KHNYN: variants seen among roughly 807,000 people sequenced by gnomAD.
The protein encoded by KHNYN is protein KHNYN.
In KHNYN, 42 loss-of-function variants were observed where a neutral mutation model predicts 62.7. The ratio of observed to expected loss-of-function variants is 0.67; its 90% CI spans 0.52 to 0.87. The LOEUF (loss-of-function observed/expected upper bound fraction) is 0.87. Ranked by LOEUF, KHNYN falls within the 40% of genes least tolerant of loss-of-function variation. KHNYN has a pLI of 0.00. For missense variants in KHNYN, 829 were observed against 874.1 expected, an observed-to-expected ratio of 0.95 and a Z score of 0.65; for synonymous variants, 347 against 345.6, an observed-to-expected ratio of 1.00 and a Z score of -0.04.
intron 7 of KHNYN, 46 bp from the exon 8 acceptor site, chr14:24,436,990 C>T: frequency 6.4e-7 from 1 of 1,574,410 alleles, no homozygotes; most frequent in Non-Finnish European, 8.6e-7. Context: ...GATCTAATTT[C>T]CCCCCCAGGA....
chr14:24,441,774 T>G lies in KHNYN; in HGVS notation c.*4489T>G, dbSNP rs1369888952. On this transcript the variant is annotated 3_prime_UTR_variant, in exon 8 of 8. Transcript: ENST00000553935. The stretch of plus-strand genomic sequence containing the variant: ...TCTCTAGGCGGCTGCCGATTACCTC[T>G]TTTTGGAAGGTTTCATTCCATCTGC... The G allele has an allele frequency of 1.9e-6, 3 of 1,605,022 alleles. No homozygotes were observed. The African/African-American group carries it at 4.0e-5, about 22-fold the overall frequency.
rs1566505335 is a variant in KHNYN, at chr14:24,440,160, G to GGATC, written c.*2876_*2879dup. 1 of 1,613,720 alleles carries GGATC rather than the reference G, an allele frequency of 6.2e-7. No individual in the cohort carries two copies. Among genetic ancestry groups the GGATC allele is most frequent in the Non-Finnish European group, 8.5e-7 (1 of 1,179,702 alleles). On this transcript the variant is annotated 3_prime_UTR_variant, in exon 8 of 8. Coordinates refer to ENST00000553935, the MANE Select transcript of KHNYN (RefSeq NM_015299.3). ...TAGCCAGTGGCCAGTGTTCGCTGTGGGATCACCTTCTGGCCCTCCAGCAGC... is the reference window on the plus strand; with the variant it reads ...TAGCCAGTGGCCAGTGTTCGCTGTGGGATCGATCACCTTCTGGCCCTCCAGCAGC...
chr14:24,426,553 T>C (rs1353815997), upstream of KHNYN: 1 of 152,266 alleles, frequency 6.6e-6, no homozygotes, highest in African/African-American at 2.4e-5. Flanking sequence ...AATTTTAGTA[T>C]ACAGTTTGAT....
At chr14:24,430,246 G>A in intron 1 of KHNYN, 127 bp downstream of exon 1, 1 of 815,724 alleles carries the variant, frequency 1.2e-6, no homozygotes, top group Non-Finnish European at 1.5e-6. Flanking sequence ...CCTGGGCCCT[G>A]GGCGGTGCTC....
At position 24,431,631 on chromosome 14, in the gene KHNYN, C is replaced by T; in HGVS notation, c.370C>T (p.Leu124=). ...GCCAGGCTCACTGATGATCAGTGGC[C>T]TGACTGAAGCCTTTGTCATGGCTCA... is the stretch of plus-strand genomic sequence containing the variant. ...RAPGSLMISG[L]TEAFVMAQSR... is the part of the protein sequence containing the mutation. Residue 124 remains leucine (L), a synonymous_variant, in exon 3 of 8, where the codon CTG becomes TTG. Transcript: ENST00000553935. The T allele has an allele frequency of 6.2e-7, 1 of 1,613,720 alleles. No homozygotes were observed. The highest frequency in any genetic ancestry group is 8.5e-7 in the Non-Finnish European group (1 of 1,179,744).
At chr14:24,428,302 T>C (rs1460159808), upstream of KHNYN, 1 of 1,613,714 alleles carries the variant, frequency 6.2e-7, no homozygotes, top group Non-Finnish European at 8.5e-7. Context: ...AGTTTGGCGG[T>C]TGTACACCTT....
At chr14:24,429,503 A>G (rs1423893525), upstream of KHNYN, 8 of 459,650 alleles carry the variant, frequency 1.7e-5, no homozygotes, top group South Asian at 1.1e-4. Context: ...CTCTCTTCAA[A>G]ATCCCCCACA....
chr14:24,440,922 G>A lies in KHNYN; in HGVS notation c.*3637G>A. On this transcript the variant is annotated 3_prime_UTR_variant, in exon 8 of 8. Transcript: ENST00000553935. ...ACTCCGCAGTCAGACTGGGCTGGTA[G>A]TAAGCTGCCGGTGGAACACAATCAT... 2 of 1,614,044 alleles carry A rather than the reference G, an allele frequency of 1.2e-6. No individual in the cohort carries two copies.
upstream of KHNYN, among the ~76,000 whole-genome samples, chr14:24,425,204 AAAC>A (rs889169118): frequency 6.6e-6 from 1 of 152,154 alleles, no homozygotes; most frequent in African/African-American, 2.4e-5. Context: ...CTGCCTCAAA[AAAC>A]AACAATAAAA....
At chr14:24,426,975 T>C (rs1030633059), upstream of KHNYN, 6 of 152,036 alleles carry the variant, frequency 3.9e-5, no homozygotes, top group African/African-American at 1.5e-4. Flanking sequence ...TTTCAGGAGG[T>C]GGCCAAGCAA....
chr14:24,441,540 C>T lies in KHNYN; in HGVS notation c.*4255C>T. ...GAAAGTACACAAAGGTTAGGAGAAA[C>T]ATGCATGGATCAAGGGCCTAGGAAG... On this transcript the variant is annotated 3_prime_UTR_variant, in exon 8 of 8. Coordinates refer to ENST00000553935, the MANE Select transcript of KHNYN (RefSeq NM_015299.3). The T allele has an allele frequency of 1.4e-6, 1 of 690,720 alleles. No homozygotes were observed. Among genetic ancestry groups the T allele is most frequent in the Non-Finnish European group, 2.3e-6 (1 of 434,580 alleles). The allele number at this position is 690,720 out of a possible 1,614,324, so 42.8% of individuals were successfully genotyped here. A position where few individuals can be genotyped will look rare whatever the true frequency, so the allele number is the denominator to read the frequency against.
upstream of KHNYN, chr14:24,428,381 A>AGCCAC (rs768979154): frequency 6.2e-7 from 1 of 1,613,868 alleles, no homozygotes; most frequent in East Asian, 2.2e-5. Flanking sequence ...GCCCGGTCAA[A>AGCCAC]GCCACCGCCC....
upstream of KHNYN, chr14:24,428,057 T>C: frequency 6.7e-7 from 1 of 1,502,132 alleles, no homozygotes; most frequent in Non-Finnish European, 9.0e-7. Flanking sequence ...TCCCAGGAGC[T>C]TCCTCTTGGG....
At chr14:24,428,826 C>T (rs1166403215), upstream of KHNYN, 8 of 1,612,746 alleles carry the variant, frequency 5.0e-6, no homozygotes, top group Non-Finnish European at 6.8e-6. Context: ...TGGCTTCGGA[C>T]CGCAGCAAAT....
At position 24,440,552 on chromosome 14, in the gene KHNYN, C is replaced by T. The variant is rs1304560108; in HGVS notation, c.*3267C>T. ...CTCAGCCTTGAAGGAGCCCACTGCTCCTCCTGGTTTCTGTTTCCCCTTCCT... is the reference window on the plus strand; with the variant it reads ...CTCAGCCTTGAAGGAGCCCACTGCTTCTCCTGGTTTCTGTTTCCCCTTCCT... On this transcript the variant is annotated 3_prime_UTR_variant, in exon 8 of 8. Coordinates refer to ENST00000553935, the MANE Select transcript of KHNYN (RefSeq NM_015299.3). 2.0e-6 allele frequency: 3 copies of T among 1,535,500 alleles called. No homozygotes were observed. The highest frequency in any genetic ancestry group is 2.7e-6 in the Non-Finnish European group (3 of 1,132,006).
chr14:24,434,525 C>A, intron 5 of KHNYN: 1 of 236,632 alleles, frequency 4.2e-6, no homozygotes, highest in Non-Finnish European at 6.9e-6. Context: ...TTACCTCAGC[C>A]TCCCGAGTAG....
chr14:24,433,051 G>T lies in KHNYN; in HGVS notation c.1577+19G>T. The stretch of plus-strand genomic sequence containing the variant: ...ATGACAGGTACTTGCTCCTCTCCTG[G>T]CCCCAGGCTTGATATTGAAGGAGCC... On this transcript the variant is annotated intron_variant, in intron 5 of 7. Transcript: ENST00000553935. 4 of 1,603,608 alleles carry T rather than the reference G, an allele frequency of 2.5e-6. No individual in the cohort carries two copies. Among genetic ancestry groups the T allele is most frequent in the Non-Finnish European group, 3.4e-6 (4 of 1,170,582 alleles).
upstream of KHNYN, chr14:24,427,804 G>A: frequency 5.0e-6 from 8 of 1,614,112 alleles, no homozygotes; most frequent in Non-Finnish European, 6.8e-6. The surrounding 1 kb of genome is among the most constrained non-coding windows in gnomAD (Gnocchi z 4.4). Flanking sequence ...GAGGGAAGAT[G>A]AGGAAGCCAG....
Position 24,437,400 on chromosome 14 carries a change from C to G in KHNYN, c.*115C>G, listed in dbSNP as rs1238992330. The stretch of plus-strand genomic sequence containing the variant: ...GATCCAGAGGCACCCTGAGTTGGTG[C>G]TTTGGATCAGGGAAGCCACTTTGGG... On this transcript the variant is annotated 3_prime_UTR_variant, in exon 8 of 8. Transcript: ENST00000553935. This position sits in a 1 kb window ranked among gnomAD's most constrained non-coding sequence, Gnocchi z 5.5. 4 of 1,329,422 alleles carry G rather than the reference C, an allele frequency of 3.0e-6. No individual in the cohort carries two copies. The highest frequency in any genetic ancestry group is 2.4e-5 in the East Asian group (1 of 40,900). 82.4% of individuals were successfully genotyped at this position (1,329,422 alleles called of 1,614,324 possible). A position where few individuals can be genotyped will look rare whatever the true frequency, so the allele number is the denominator to read the frequency against.
Sources: gnomAD v4.1 joint callset for allele counts (sites outside exome capture counted in the v4.1 genomes callset) on GRCh38, gnomAD v4.1.1 for gene constraint, Gnocchi (gnomAD v3.1) non-coding constraint, MANE v1.5 for transcripts, NCBI Gene and HGNC (gene_info 2026-07-23, HGNC 2026-07-21) for gene names.